Variants in RBPMS2 observed in about 807,000 individuals in gnomAD.
The protein encoded by RBPMS2 is RNA binding protein, mRNA processing factor 2, also known as RNA-binding protein with multiple splicing 2.
A neutral mutation model predicts 25.7 loss-of-function variants in RBPMS2; 14 were observed. The observed-to-expected ratio is 0.55, with a 90% confidence interval of 0.36 to 0.85. The LOEUF is 0.85. Among genes scored for constraint, RBPMS2 ranks in the 40% least tolerant of loss-of-function variants. The pLI, the probability that RBPMS2 is intolerant of heterozygous loss-of-function variation, is 0.01. For synonymous variants in RBPMS2, 127 were observed against 115.6 expected, an observed-to-expected ratio of 1.10 and a Z score of -0.63; for missense variants, 252 against 283.4, an observed-to-expected ratio of 0.89 and a Z score of 0.80.
chr15:64,743,640 A>AG (rs11318612), intron 6 of RBPMS2, among the ~76,000 whole-genome samples: 789 of 22,278 alleles, frequency 0.035, 10 homozygotes, highest in Middle Eastern at 0.077. Flanking sequence ...AGTTGTGCCC[A>AG]GGGGGGGGGG....
chr15:64,774,381 A>G (rs1423235389), intron 1 of RBPMS2, among the ~76,000 whole-genome samples: 3 of 151,938 alleles, frequency 2.0e-5, no homozygotes, highest in Non-Finnish European at 1.5e-5. Context: ...CTATTCACTG[A>G]TATCTTTGAG....
In RBPMS2 at chr15:64,743,792, A is replaced by G. The variant is rs539729845; in HGVS notation, c.568-2550T>C. ...GAGAAGATACACCAGAAAGCAAGCA[A>G]CGGGATGAACCTACATAAGAATAAA... On this transcript the variant is annotated intron_variant, in intron 6 of 7. Coordinates refer to ENST00000300069, the MANE Select transcript of RBPMS2 (RefSeq NM_194272.3). 8.5e-5 allele frequency among the ~76,000 whole-genome samples: 13 copies of G among 152,338 alleles called. 1 individual carries two copies. Among genetic ancestry groups the G allele is most frequent in the African/African-American group, 3.1e-4 (13 of 41,572 alleles).
intron 6 of RBPMS2, among the ~76,000 whole-genome samples, chr15:64,747,347 G>A (rs768737529): frequency 4.6e-5 from 7 of 152,080 alleles, no homozygotes; most frequent in African/African-American, 1.4e-4. Flanking sequence ...GACTCCTCCC[G>A]CCTCAGCTCT....
intron 1 of RBPMS2, among the ~76,000 whole-genome samples, chr15:64,774,745 A>C (rs1461761609): frequency 6.5e-5 from 1 of 15,330 alleles, no homozygotes; most frequent in African/African-American, 1.4e-4. Flanking sequence ...CGGCCGGCCC[A>C]GGCCTCCAAG....
chr15:64,763,831 T>C, intron 1 of RBPMS2, among the ~76,000 whole-genome samples: 1 of 70,340 alleles, frequency 1.4e-5, no homozygotes, highest in Non-Finnish European at 3.1e-5. Context: ...GAATAGAGAC[T>C]GGGGGGAACT....
chr15:64,772,996 T>C (rs186679050), intron 1 of RBPMS2, among the ~76,000 whole-genome samples: 1 of 152,076 alleles, frequency 6.6e-6, no homozygotes, highest in Non-Finnish European at 1.5e-5. Flanking sequence ...CCCAGAACCA[T>C]GAAAAATACA....
Position 64,775,385 on chromosome 15 carries a change from G to T in RBPMS2, c.-66C>A. The T allele has an allele frequency of 2.1e-6, 2 of 960,452 alleles. No individual in the cohort carries two copies. The highest frequency in any genetic ancestry group is 1.3e-6 in the Non-Finnish European group (1 of 744,356). The allele number at this position is 960,452 out of a possible 1,614,324, so 59.5% of individuals were successfully genotyped here. A position where few individuals can be genotyped will look rare whatever the true frequency, so the allele number is the denominator to read the frequency against. On this transcript the variant is annotated 5_prime_UTR_variant, in exon 1 of 8. Transcript: ENST00000300069. ...GCGCGGCGCCGGCCCCGCGGGAAGT[G>T]GGAAGGGGCGCGGGGAGCGGTGCGC...
Position 64,758,383 on chromosome 15 carries a change from G to A in RBPMS2, c.88-6745C>T, listed in dbSNP as rs969909556. Among the ~76,000 whole-genome samples the A allele has an allele frequency of 2.6e-5, 4 of 152,262 alleles. No individual in the cohort carries two copies. The South Asian group carries it at 8.3e-4, about 31-fold the overall frequency. On this transcript the variant is annotated intron_variant, in intron 1 of 7. Coordinates refer to ENST00000300069, the MANE Select transcript of RBPMS2 (RefSeq NM_194272.3). ...AGCACAGCTGGAAGGTACACCTGTA[G>A]TCACATGGAGCAGGTATGGGGGAGA...
intron 6 of RBPMS2, among the ~76,000 whole-genome samples, chr15:64,743,183 G>A (rs148819487): frequency 1.8e-3 from 278 of 152,338 alleles, no homozygotes; most frequent in Non-Finnish European, 3.7e-3. Context: ...CCGGACAAGG[G>A]GAGAACATGG....
At chr15:64,748,854 G>C in intron 5 of RBPMS2, 146 bp downstream of exon 5, 1 of 904,590 alleles carries the variant, frequency 1.1e-6, no homozygotes, top group South Asian at 1.8e-5. Context: ...GCAGGCTGCA[G>C]GGGAGGGAGG....
At chr15:64,741,996 T>C (rs906134640) in intron 6 of RBPMS2, among the ~76,000 whole-genome samples, 1 of 152,088 alleles carries the variant, frequency 6.6e-6, no homozygotes, top group Non-Finnish European at 1.5e-5. Context: ...AGAAACCCCA[T>C]CTCTACTAAA....
At chr15:64,741,339 G>C (rs185470776) in intron 6 of RBPMS2, 97 bp from the exon 7 acceptor site, 150 of 923,162 alleles carry the variant, frequency 1.6e-4, no homozygotes, top group Non-Finnish European at 2.9e-5. Context: ...TGGAGTCCTG[G>C]TTCTGTCACT....
At chr15:64,774,105 C>T (rs1220666128) in intron 1 of RBPMS2, among the ~76,000 whole-genome samples, 1 of 152,212 alleles carries the variant, frequency 6.6e-6, no homozygotes, top group Non-Finnish European at 1.5e-5. Flanking sequence ...CAGCCGAGGG[C>T]CACCGGCGCC....
chr15:64,774,620 T>C (rs188873085), intron 1 of RBPMS2, among the ~76,000 whole-genome samples: 164 of 69,624 alleles, frequency 2.4e-3, no homozygotes, highest in Non-Finnish European at 2.7e-3. Flanking sequence ...TGAGTGTCTT[T>C]AGTCATCTTC....
At chr15:64,745,347 C>G (rs2141055607) in intron 6 of RBPMS2, among the ~76,000 whole-genome samples, 1 of 152,244 alleles carries the variant, frequency 6.6e-6, no homozygotes, top group African/African-American at 2.4e-5. Context: ...AAGCACCTCC[C>G]CTGTGCCCAA....
intron 1 of RBPMS2, among the ~76,000 whole-genome samples, chr15:64,758,077 G>A (rs2141068055): frequency 6.6e-6 from 1 of 152,358 alleles, no homozygotes; most frequent in South Asian, 2.1e-4. Context: ...AATAACTCAT[G>A]TCCTGCCTAT....
rs1014155719 is a variant in RBPMS2 at position 64,750,237 on chromosome 15, C to G, written c.204+106G>C. ...AAACAGGACAACAGGGAGCGCAAGT[C>G]TGTACCGCCAGATGCCTCTAGATTA... On this transcript the variant is annotated intron_variant, in intron 3 of 7. Coordinates refer to ENST00000300069, the MANE Select transcript of RBPMS2 (RefSeq NM_194272.3). The G allele has an allele frequency of 6.1e-6, 6 of 989,750 alleles. No homozygotes were observed. In the African/African-American group the frequency reaches 6.4e-5, roughly 10 times the overall value. The allele number at this position is 989,750 out of a possible 1,614,324, so 61.3% of individuals were successfully genotyped here. A position where few individuals can be genotyped will look rare whatever the true frequency, so the allele number is the denominator to read the frequency against.
chr15:64,749,511 G>A lies in RBPMS2; in HGVS notation c.205-18C>T. On this transcript the variant is annotated intron_variant, in intron 3 of 7. Coordinates refer to ENST00000300069, the MANE Select transcript of RBPMS2 (RefSeq NM_194272.3). ...CCAACAGGCTAGTAGGAAAAAGAGA[G>A]AACACCCTTATATCTCTCCTAGCAT... 2 of 1,606,052 alleles carry A rather than the reference G, an allele frequency of 1.2e-6. No individual in the cohort carries two copies. The highest frequency in any genetic ancestry group is 1.1e-5 in the South Asian group (1 of 90,456).
chr15:64,771,353 C>A (rs2083891605), intron 1 of RBPMS2, among the ~76,000 whole-genome samples: 1 of 152,114 alleles, frequency 6.6e-6, no homozygotes, highest in Non-Finnish European at 1.5e-5. Context: ...ATCAACATCT[C>A]CAGATGTTCA....
Sources: allele counts gnomAD v4.1 joint callset (sites outside exome capture counted in the v4.1 genomes callset), GRCh38; gene constraint gnomAD v4.1.1; transcripts MANE v1.5; gene names NCBI Gene and HGNC (gene_info 2026-07-23, HGNC 2026-07-21).